Variants in PLEKHM3 observed in about 807,000 individuals in gnomAD.
PLEKHM3 encodes the protein pleckstrin homology domain containing M3, also known as pleckstrin homology domain-containing family M member 3.
A neutral mutation model predicts 81.8 loss-of-function variants in PLEKHM3; 45 were observed. The ratio of observed to expected loss-of-function variants is 0.55; its 90% CI spans 0.43 to 0.71. The LOEUF is 0.71. Among genes scored for constraint, PLEKHM3 ranks in the 30% least tolerant of loss-of-function variants. The probability of loss-of-function intolerance (pLI) is 0.00; values close to 1 mark genes in which losing one functional copy is unlikely to be tolerated. For missense variants in PLEKHM3, 788 were observed against 924.3 expected (o/e 0.85, Z 1.91); for synonymous variants, 352 against 356.4 (o/e 0.99, Z 0.14).
intron 1 of PLEKHM3, among the ~76,000 whole-genome samples, chr2:208,002,565 G>A (rs777009750): frequency 2.6e-5 from 4 of 152,062 alleles, no homozygotes; most frequent in Non-Finnish European, 4.4e-5. Flanking sequence ...TCCAGGATTG[G>A]CCTCAGAGTA....
intron 6 of PLEKHM3, among the ~76,000 whole-genome samples, chr2:207,898,994 C>T (rs1688333487): frequency 6.6e-6 from 1 of 152,194 alleles, no homozygotes; most frequent in Non-Finnish European, 1.5e-5. Flanking sequence ...AAAAGCCAAA[C>T]AACAATATGA....
chr2:207,961,710 A>G (rs1433883632), intron 3 of PLEKHM3, among the ~76,000 whole-genome samples: 2 of 152,136 alleles, frequency 1.3e-5, no homozygotes, highest in Non-Finnish European at 2.9e-5. Flanking sequence ...CGGCTCTGAG[A>G]GGGCTGCAGA....
intron 7 of PLEKHM3, among the ~76,000 whole-genome samples, chr2:207,852,153 T>C (rs140718429): frequency 4.7e-4 from 71 of 152,280 alleles, no homozygotes; most frequent in East Asian, 1.9e-3. Flanking sequence ...AGGGGGTATA[T>C]GGCAAAATGT....
chr2:207,955,997 C>G (rs1295098639), intron 3 of PLEKHM3, among the ~76,000 whole-genome samples: 1 of 151,968 alleles, frequency 6.6e-6, no homozygotes, highest in Non-Finnish European at 1.5e-5. Context: ...GGCATTTGAG[C>G]TGGGTCTTGA....
chr2:207,989,816 G>A (rs572574550), intron 2 of PLEKHM3, among the ~76,000 whole-genome samples: 33 of 152,190 alleles, frequency 2.2e-4, no homozygotes, highest in Non-Finnish European at 4.1e-4. Flanking sequence ...ACTTAGTTGC[G>A]TAGCAGCAAA....
chr2:208,005,416 G>A (rs1023983997), intron 1 of PLEKHM3, among the ~76,000 whole-genome samples: 1 of 152,054 alleles, frequency 6.6e-6, no homozygotes, highest in Non-Finnish European at 1.5e-5. Context: ...GACTTTACCT[G>A]TTTTTGATGT....
At chr2:207,974,454 T>C (rs1034153306) in intron 3 of PLEKHM3, among the ~76,000 whole-genome samples, 1 of 152,212 alleles carries the variant, frequency 6.6e-6, no homozygotes, top group African/African-American at 2.4e-5. Context: ...GTGAAATACC[T>C]GAGGCTTTTC....
chr2:207,937,468 G>A (rs1689793880), intron 4 of PLEKHM3, among the ~76,000 whole-genome samples: 1 of 151,984 alleles, frequency 6.6e-6, no homozygotes, highest in East Asian at 1.9e-4. Context: ...TACTCAGGAG[G>A]CTGGGGTGGG....
chr2:207,904,891 A>T (rs193264118), intron 6 of PLEKHM3, among the ~76,000 whole-genome samples: 1 of 152,146 alleles, frequency 6.6e-6, no homozygotes, highest in East Asian at 1.9e-4. Flanking sequence ...TAAGATTGCA[A>T]TTTTTTTGGT....
chr2:207,994,197 A>G (rs563978225), intron 2 of PLEKHM3, among the ~76,000 whole-genome samples: 3 of 152,220 alleles, frequency 2.0e-5, no homozygotes, highest in Admixed American at 6.5e-5. Flanking sequence ...CATATAGCCT[A>G]TGTATCTATA....
intron 3 of PLEKHM3, among the ~76,000 whole-genome samples, chr2:207,957,950 G>GTTA (rs1690577602): frequency 6.6e-6 from 1 of 152,026 alleles, no homozygotes; most frequent in Non-Finnish European, 1.5e-5. Flanking sequence ...TAAGGATGAA[G>GTTA]GCAAGGAACA....
chr2:207,955,365 T>TTCTTTCCCCAAAG (rs1364323666), intron 3 of PLEKHM3, among the ~76,000 whole-genome samples: 1 of 152,174 alleles, frequency 6.6e-6, no homozygotes, highest in African/African-American at 2.4e-5. Flanking sequence ...TACTTCTATG[T>TTCTTTCCCCAAAG]TCTTTCCCCA....
At chr2:208,023,439 C>G (rs1335702095) in intron 1 of PLEKHM3, among the ~76,000 whole-genome samples, 1 of 152,166 alleles carries the variant, frequency 6.6e-6, no homozygotes, top group East Asian at 1.9e-4. Context: ...GAGTCCCCAA[C>G]CCCCATGTCT....
At chr2:207,868,305 G>A (rs138846582) in intron 6 of PLEKHM3, among the ~76,000 whole-genome samples, 2 of 152,060 alleles carry the variant, frequency 1.3e-5, no homozygotes, top group Admixed American at 1.3e-4. Flanking sequence ...ACATGGTAGA[G>A]TTTTTGCTTC....
Position 208,001,520 on chromosome 2 carries a change from C to T in PLEKHM3, c.120G>A (p.Gln40=). 6.2e-7 allele frequency: 1 copy of T among 1,614,190 alleles called. No individual in the cohort carries two copies. ...AVQQAEVYGI[Q]EVPELVGHEV... ...CATGCCCCACCAGTTCAGGGACTTC[C>T]TGGATCCCATAAACCTCTGCCTGCT... Residue 40 remains glutamine (Q), a synonymous_variant, in exon 2 of 8, where the codon CAG becomes CAA. Coordinates refer to ENST00000427836, the MANE Select transcript of PLEKHM3 (RefSeq NM_001080475.3).
chr2:208,021,444 T>G (rs1341275801), intron 1 of PLEKHM3, among the ~76,000 whole-genome samples: 3 of 152,196 alleles, frequency 2.0e-5, no homozygotes, highest in Non-Finnish European at 4.4e-5. Context: ...CCAACTTTAT[T>G]TTCAATCTTT....
chr2:208,021,554 T>C (rs773284927), intron 1 of PLEKHM3, among the ~76,000 whole-genome samples: 1 of 152,258 alleles, frequency 6.6e-6, no homozygotes, highest in Admixed American at 6.5e-5. Flanking sequence ...AGTATTTGAC[T>C]GTACAATGTT....
intron 7 of PLEKHM3, among the ~76,000 whole-genome samples, chr2:207,855,024 AGTCCAGGAACGGAG>A (rs1559208350): frequency 6.6e-6 from 1 of 152,204 alleles, no homozygotes; most frequent in Non-Finnish European, 1.5e-5. Flanking sequence ...TCAAGGCACA[AGTCCAGGAACGGAG>A]GGCTTTAAAA....
intron 2 of PLEKHM3, among the ~76,000 whole-genome samples, chr2:207,981,541 C>T (rs1691524206): frequency 6.6e-6 from 1 of 152,086 alleles, no homozygotes; most frequent in African/African-American, 2.4e-5. Flanking sequence ...GAGAAGGAAT[C>T]TTACTCTGTT....
Sources: gnomAD v4.1 joint callset for allele counts (sites outside exome capture counted in the v4.1 genomes callset) on GRCh38, gnomAD v4.1.1 for gene constraint, MANE v1.5 for transcripts, NCBI Gene and HGNC (gene_info 2026-07-23, HGNC 2026-07-21) for gene names.